NDRG3: variants seen among roughly 807,000 people sequenced by gnomAD.
NDRG3 encodes the protein protein NDRG3.
Under a neutral mutation model 57.2 loss-of-function variants are expected in NDRG3, and 23 were observed. That is an observed-to-expected ratio of 0.40 (90% CI 0.29 to 0.57). NDRG3 has a LOEUF of 0.57. Ranked by LOEUF, NDRG3 falls within the 20% of genes least tolerant of loss-of-function variation. The probability of loss-of-function intolerance (pLI) is 0.42; values close to 1 mark genes in which losing one functional copy is unlikely to be tolerated. For missense variants in NDRG3, 384 were observed against 457.3 expected (o/e 0.84, Z 1.46); for synonymous variants, 132 against 162.6 (o/e 0.81, Z 1.43).
At position 36,739,134 on chromosome 20, in the gene NDRG3, CAAAAAAAA is replaced by C. The variant is rs57208101; in HGVS notation, c.-49+6903_-49+6910del. ...TGGGTGACAAAACGAGACCCCATCT[CAAAAAAAA>C]AAAAAAAAAAAAAAAAAAAAAAAAG... is the stretch of plus-strand genomic sequence containing the variant. On this transcript the variant is annotated intron_variant, in intron 1 of 15. Coordinates refer to ENST00000349004, the MANE Select transcript of NDRG3 (RefSeq NM_032013.4). 4.4e-3 allele frequency among the ~76,000 whole-genome samples: 381 copies of C among 87,216 alleles called. 4 individuals are homozygous for C. Among genetic ancestry groups the C allele is most frequent in the African/African-American group, 0.021 (367 of 17,662 alleles). 57.2% of individuals were successfully genotyped at this position (87,216 alleles called of 152,430 possible). A position where few individuals can be genotyped will look rare whatever the true frequency, so the allele number is the denominator to read the frequency against.
At chr20:36,674,034 A>G (rs1980419771) in intron 8 of NDRG3, among the ~76,000 whole-genome samples, 1 of 151,820 alleles carries the variant, frequency 6.6e-6, no homozygotes, top group Non-Finnish European at 1.5e-5. Flanking sequence ...AACCTGGGAG[A>G]TAGAGGTTGC....
At chr20:36,681,632 T>C (rs1350406047) in intron 7 of NDRG3, among the ~76,000 whole-genome samples, 1 of 123,770 alleles carries the variant, frequency 8.1e-6, no homozygotes, top group African/African-American at 3.3e-5. Flanking sequence ...CAAGACTTCA[T>C]CTCAAAAAAA....
intron 2 of NDRG3, 30 bp downstream of exon 2, chr20:36,721,649 A>G (rs1984599916): frequency 3.6e-6 from 5 of 1,372,692 alleles, no homozygotes; most frequent in African/African-American, 2.9e-5. Context: ...AGGCTTGTCC[A>G]TATTTTAGTG....
Position 36,730,011 on chromosome 20 carries a change from C to T in NDRG3, c.-48-8228G>A, listed in dbSNP as rs150518156. 6.7e-3 allele frequency among the ~76,000 whole-genome samples: 1,013 copies of T among 151,786 alleles called. 11 individuals carry two copies. Among genetic ancestry groups the T allele is most frequent in the African/African-American group, 0.023 (952 of 41,466 alleles). Reference sequence around the variant, plus strand: ...CCTGTAATCCCAGCACTTTAGGAGGCCAAGGCGGGCAGATCACCTGAGGTC... The same window carrying T: ...CCTGTAATCCCAGCACTTTAGGAGGTCAAGGCGGGCAGATCACCTGAGGTC... On this transcript the variant is annotated intron_variant, in intron 1 of 15. Coordinates refer to ENST00000349004, the MANE Select transcript of NDRG3 (RefSeq NM_032013.4).
chr20:36,700,242 T>A (rs572037407), intron 3 of NDRG3, among the ~76,000 whole-genome samples: 2 of 152,106 alleles, frequency 1.3e-5, no homozygotes, highest in South Asian at 4.2e-4. Context: ...TTTAGGGATA[T>A]CTCAGCCCCT....
At chr20:36,676,406 A>T (rs1366545088) in intron 8 of NDRG3, among the ~76,000 whole-genome samples, 1 of 152,210 alleles carries the variant, frequency 6.6e-6, no homozygotes, top group Non-Finnish European at 1.5e-5. Flanking sequence ...GTACTTCATC[A>T]AGAAAATGGT....
chr20:36,743,700 C>T (rs1407507592), intron 1 of NDRG3, among the ~76,000 whole-genome samples: 1 of 146,556 alleles, frequency 6.8e-6, no homozygotes, highest in Non-Finnish European at 1.5e-5. Context: ...CACCTGTAGT[C>T]CCAGCTGCTC....
At chr20:36,701,772 T>C (rs1484719738) in intron 3 of NDRG3, among the ~76,000 whole-genome samples, 1 of 150,064 alleles carries the variant, frequency 6.7e-6, no homozygotes, top group African/African-American at 2.5e-5. Context: ...GGTTTCGAAC[T>C]CCTGACCTCA....
chr20:36,724,090 T>A (rs1310841715), intron 1 of NDRG3, among the ~76,000 whole-genome samples: 1 of 152,182 alleles, frequency 6.6e-6, no homozygotes, highest in Non-Finnish European at 1.5e-5. Context: ...ATGGAGAGGG[T>A]ATGTGTTCCA....
rs190445731 is a variant in NDRG3, at chr20:36,689,597, G to A, written c.94-813C>T. Among the ~76,000 whole-genome samples, 954 of 152,064 alleles carry A rather than the reference G, an allele frequency of 6.3e-3. 11 individuals are homozygous for A. Among genetic ancestry groups the A allele is most frequent in the South Asian group, 0.013 (64 of 4,814 alleles). On this transcript the variant is annotated intron_variant, in intron 3 of 15. Coordinates refer to ENST00000349004, the MANE Select transcript of NDRG3 (RefSeq NM_032013.4). Reference sequence around the variant, plus strand: ...AGCTGTCCTTCTGTGTCATCCACACGTTACAGGGGTGGATCTTGGCTACCA... The same window carrying A: ...AGCTGTCCTTCTGTGTCATCCACACATTACAGGGGTGGATCTTGGCTACCA...
chr20:36,727,533 TTTTTC>T (rs1372949716), intron 1 of NDRG3, among the ~76,000 whole-genome samples: 75 of 150,274 alleles, frequency 5.0e-4, no homozygotes, highest in African/African-American at 1.3e-3. Flanking sequence ...CTTTCTTTCT[TTTTTC>T]TTTTCTTTTC....
chr20:36,694,595 C>A (rs1447053052), intron 3 of NDRG3, among the ~76,000 whole-genome samples: 1 of 152,152 alleles, frequency 6.6e-6, no homozygotes, highest in Non-Finnish European at 1.5e-5. Flanking sequence ...ACCCTTCATC[C>A]TATGACCCAC....
At chr20:36,703,401 AAT>A (rs774613189) in intron 3 of NDRG3, among the ~76,000 whole-genome samples, 1 of 149,928 alleles carries the variant, frequency 6.7e-6, no homozygotes, top group Admixed American at 6.7e-5. Context: ...CTCGTCTCTA[AAT>A]ATATATATAT....
intron 1 of NDRG3, among the ~76,000 whole-genome samples, chr20:36,724,649 C>G (rs889452813): frequency 6.6e-6 from 1 of 152,166 alleles, no homozygotes; most frequent in Non-Finnish European, 1.5e-5. Context: ...GTTTTCCGGC[C>G]GGGCCCGGTG....
At chr20:36,691,675 C>T (rs1982276761) in intron 3 of NDRG3, among the ~76,000 whole-genome samples, 1 of 152,128 alleles carries the variant, frequency 6.6e-6, no homozygotes, top group Non-Finnish European at 1.5e-5. Context: ...ATTGTGACAC[C>T]ACTGCACTCC....
At chr20:36,655,442 C>T (rs1451779662) in intron 15 of NDRG3, among the ~76,000 whole-genome samples, 5 of 152,146 alleles carry the variant, frequency 3.3e-5, no homozygotes, top group African/African-American at 1.2e-4. Flanking sequence ...AATTCTGTGA[C>T]CATGAAAAAG....
chr20:36,718,835 C>T (rs1451448649), intron 2 of NDRG3, among the ~76,000 whole-genome samples: 1 of 152,026 alleles, frequency 6.6e-6, no homozygotes, highest in Non-Finnish European at 1.5e-5. Context: ...CATCTGCCAC[C>T]ACACCTGGAT....
chr20:36,680,539 T>TTAAAAACAGA (rs1334683852), intron 8 of NDRG3, among the ~76,000 whole-genome samples: 2 of 151,926 alleles, frequency 1.3e-5, no homozygotes, highest in Non-Finnish European at 2.9e-5. Context: ...ATAAAACTGT[T>TTAAAAACAGA]TAAAAACAGA....
At chr20:36,740,999 G>GA (rs1985902312) in intron 1 of NDRG3, among the ~76,000 whole-genome samples, 1 of 152,068 alleles carries the variant, frequency 6.6e-6, no homozygotes, top group Non-Finnish European at 1.5e-5. Flanking sequence ...AGGTGGGGGG[G>GA]GAATCTTTTA....
Sources: gnomAD v4.1 joint callset for allele counts (sites outside exome capture counted in the v4.1 genomes callset) on GRCh38, gnomAD v4.1.1 for gene constraint, MANE v1.5 for transcripts, NCBI Gene and HGNC (gene_info 2026-07-23, HGNC 2026-07-21) for gene names.